PACSIN2: variants seen among roughly 807,000 people sequenced by gnomAD.
The protein encoded by PACSIN2 is protein kinase C and casein kinase substrate in neurons protein 2.
Under a neutral mutation model 63.8 loss-of-function variants are expected in PACSIN2, and 25 were observed. The observed-to-expected ratio is 0.39, with a 90% CI of 0.29 to 0.55. The LOEUF (loss-of-function observed/expected upper bound fraction) is 0.55, where lower values mean the gene tolerates loss of function less well. Ranked by LOEUF, PACSIN2 falls within the 20% of genes least tolerant of loss-of-function variation. The pLI is 0.62. For synonymous variants in PACSIN2, 255 were observed against 256.2 expected (o/e 1.00, Z 0.05); for missense variants, 518 against 646.9 (o/e 0.80, Z 2.16).
Position 42,871,613 on chromosome 22 carries a change from T to C in PACSIN2, c.1349-144A>G. On this transcript the variant is annotated intron_variant, in intron 10 of 10. Transcript: ENST00000263246. This position sits in a 1 kb window ranked among gnomAD's most constrained non-coding sequence, Gnocchi z 5.4. The stretch of plus-strand genomic sequence containing the variant: ...CAGGCCGAGGGCCTGGTCATTTCTC[T>C]ACTAAATGCATGCATTTTAAGTTGC... 5 of 670,490 alleles carry C rather than the reference T, an allele frequency of 7.5e-6. No homozygotes were observed. The highest frequency in any genetic ancestry group is 1.3e-5 in the Non-Finnish European group (5 of 372,214). 41.5% of individuals were successfully genotyped at this position (670,490 alleles called of 1,614,324 possible).
intron 6 of PACSIN2, 139 bp downstream of exon 6, chr22:42,884,247 A>T: frequency 1.4e-6 from 1 of 707,306 alleles, no homozygotes; most frequent in Non-Finnish European, 2.4e-6. Context: ...ATTACAAAGA[A>T]GCAGGAGGCC....
intron 1 of PACSIN2, among the ~76,000 whole-genome samples, chr22:42,991,980 C>T (rs924991943): frequency 6.6e-6 from 1 of 151,344 alleles, no homozygotes; most frequent in African/African-American, 2.4e-5. Flanking sequence ...TGACACCAAC[C>T]AAAAAAGCAC....
At chr22:42,896,323 T>TC (rs1482521677) in intron 2 of PACSIN2, among the ~76,000 whole-genome samples, 1 of 152,196 alleles carries the variant, frequency 6.6e-6, no homozygotes, top group Non-Finnish European at 1.5e-5. Flanking sequence ...CTGATCCATG[T>TC]TGCTATCTAC....
intron 1 of PACSIN2, among the ~76,000 whole-genome samples, chr22:42,932,546 T>A (rs2146778613): frequency 6.6e-6 from 1 of 152,304 alleles, no homozygotes; most frequent in Admixed American, 6.5e-5. Context: ...GGTGGGACAG[T>A]AAAGTGTTGA....
chr22:42,921,683 G>A (rs569322573), intron 1 of PACSIN2, among the ~76,000 whole-genome samples: 72 of 151,916 alleles, frequency 4.7e-4, no homozygotes, highest in African/African-American at 1.6e-3. Context: ...CTATGAAAAG[G>A]GAGCAATCAG....
intron 1 of PACSIN2, among the ~76,000 whole-genome samples, chr22:42,972,369 G>T (rs188512840): frequency 6.6e-6 from 1 of 152,258 alleles, no homozygotes; most frequent in African/African-American, 2.4e-5. Flanking sequence ...TAAACATTGC[G>T]GAAGGCCGCA....
chr22:42,877,119 C>T, intron 8 of PACSIN2, 109 bp from the exon 9 acceptor site: 1 of 1,171,008 alleles, frequency 8.5e-7, no homozygotes. Context: ...CCTCCTGTGA[C>T]CGGAGGGGAC....
chr22:42,970,765 C>A (rs554582455), intron 1 of PACSIN2, among the ~76,000 whole-genome samples: 1 of 152,322 alleles, frequency 6.6e-6, no homozygotes, highest in African/African-American at 2.4e-5. Flanking sequence ...GAAAGGAAGG[C>A]AGGGCCCCGT....
At chr22:43,007,915 T>C (rs763267165) in intron 1 of PACSIN2, among the ~76,000 whole-genome samples, 3 of 152,176 alleles carry the variant, frequency 2.0e-5, no homozygotes, top group Non-Finnish European at 4.4e-5. Context: ...GCCACTGAGA[T>C]ATCCTCCAAA....
At chr22:42,999,485 G>T (rs1923625968) in intron 1 of PACSIN2, among the ~76,000 whole-genome samples, 1 of 152,168 alleles carries the variant, frequency 6.6e-6, no homozygotes, top group Non-Finnish European at 1.5e-5. Flanking sequence ...GCCTGACCAA[G>T]ATGGAGAAAC....
rs377302083 is a variant in PACSIN2, at chr22:42,960,728, G to C, written c.-77-48571C>G. Reference sequence around the variant, plus strand: ...AGAGAAAGAGGAGGCAGGCAGGAAGGGGTGCCAGGAGGGTTTTGGAGCTGT... The same window carrying C: ...AGAGAAAGAGGAGGCAGGCAGGAAGCGGTGCCAGGAGGGTTTTGGAGCTGT... On this transcript the variant is annotated intron_variant, in intron 1 of 10. Transcript: ENST00000263246. 9.2e-5 allele frequency among the ~76,000 whole-genome samples: 14 copies of C among 152,292 alleles called. No homozygotes were observed. The East Asian group carries it at 9.6e-4, about 10-fold the overall frequency.
chr22:42,958,351 C>T (rs1461447666), intron 1 of PACSIN2, among the ~76,000 whole-genome samples: 1 of 152,116 alleles, frequency 6.6e-6, no homozygotes, highest in African/African-American at 2.4e-5. Flanking sequence ...CATTATGCCA[C>T]CAAATGAATA....
intron 1 of PACSIN2, among the ~76,000 whole-genome samples, chr22:42,935,338 T>G (rs547235868): frequency 2.0e-5 from 3 of 152,188 alleles, no homozygotes; most frequent in Non-Finnish European, 2.9e-5. Context: ...AACTCACCAT[T>G]TCTCTCCTTT....
At chr22:43,002,930 A>G (rs2146920426) in intron 1 of PACSIN2, among the ~76,000 whole-genome samples, 1 of 152,362 alleles carries the variant, frequency 6.6e-6, no homozygotes, top group South Asian at 2.1e-4. Context: ...CAATTATAAC[A>G]ATGTCAGTTA....
intron 1 of PACSIN2, among the ~76,000 whole-genome samples, chr22:42,989,380 C>A (rs1302128535): frequency 1.3e-5 from 2 of 151,328 alleles, no homozygotes; most frequent in African/African-American, 2.4e-5. Flanking sequence ...TGCCTGTAAT[C>A]CCAGCTACTA....
At chr22:42,968,917 ATGTGG>A (rs1921035169) in intron 1 of PACSIN2, among the ~76,000 whole-genome samples, 1 of 152,146 alleles carries the variant, frequency 6.6e-6, no homozygotes, top group South Asian at 2.1e-4. Context: ...GGGCCCTCAA[ATGTGG>A]ACTGAGCCCC....
chr22:43,009,865 ATTTTTT>A lies in PACSIN2; in HGVS notation c.-78+5150_-78+5155del, dbSNP rs898985902. Among the ~76,000 whole-genome samples the A allele has an allele frequency of 1.1e-4, 8 of 75,666 alleles. No individual in the cohort carries two copies. In the South Asian group the frequency reaches 3.2e-3, roughly 30 times the overall value. 49.6% of individuals were successfully genotyped at this position (75,666 alleles called of 152,430 possible). A position where few individuals can be genotyped will look rare whatever the true frequency, so the allele number is the denominator to read the frequency against. On this transcript the variant is annotated intron_variant, in intron 1 of 10. Coordinates refer to ENST00000263246, the MANE Select transcript of PACSIN2 (RefSeq NM_001184970.3). Reference sequence around the variant, plus strand: ...GTTGAGACATCATTTTATTTTTTCTATTTTTTTTTTTTTTTTTTTTTGAGACAGAGT... The same window carrying A: ...GTTGAGACATCATTTTATTTTTTCTATTTTTTTTTTTTTTTGAGACAGAGT...
rs557437026 is a variant in PACSIN2, at chr22:42,886,700, C to T, written c.609+1943G>A. 5.3e-5 allele frequency among the ~76,000 whole-genome samples: 8 copies of T among 152,274 alleles called. No homozygotes were observed. The South Asian group carries it at 1.5e-3, about 28-fold the overall frequency. ...CAGGCTGTGTGCTGGATTTTGGAAA[C>T]TGCGTCAAGAAGGGTGGTGGGGAGG... On this transcript the variant is annotated intron_variant, in intron 5 of 10. Transcript: ENST00000263246.
chr22:42,985,627 C>A (rs1433076027), intron 1 of PACSIN2, among the ~76,000 whole-genome samples: 2 of 152,174 alleles, frequency 1.3e-5, no homozygotes, highest in Admixed American at 1.3e-4. Flanking sequence ...ATAAAGATAA[C>A]AGGACAAAGA....
Sources: gnomAD v4.1 joint callset for allele counts (sites outside exome capture counted in the v4.1 genomes callset) on GRCh38, gnomAD v4.1.1 for gene constraint, Gnocchi (gnomAD v3.1) non-coding constraint, MANE v1.5 for transcripts, NCBI Gene and HGNC (gene_info 2026-07-23, HGNC 2026-07-21) for gene names.